Variants in PTPRO observed in about 807,000 individuals in gnomAD.
The protein encoded by PTPRO is protein tyrosine phosphatase receptor type O, also known as receptor-type tyrosine-protein phosphatase O.
Under a neutral mutation model 145.2 loss-of-function variants are expected in PTPRO, and 62 were observed. The ratio of observed to expected loss-of-function variants is 0.43; its 90% CI spans 0.35 to 0.53. The LOEUF is 0.53. Among genes scored for constraint, PTPRO ranks in the 20% least tolerant of loss-of-function variants. The pLI, the probability that PTPRO is intolerant of heterozygous loss-of-function variation, is 0.01. For synonymous variants in PTPRO, 565 were observed against 514.7 expected (o/e 1.10, Z -1.32); for missense variants, 1,345 against 1,482.7 (o/e 0.91, Z 1.53).
chr12:15,484,272 C>G, intron 2 of PTPRO, 25 bp downstream of exon 2: 1 of 1,612,000 alleles, frequency 6.2e-7, no homozygotes, highest in Non-Finnish European at 8.5e-7. Context: ...TAATATTGTC[C>G]CGTTTCTTCT....
chr12:15,539,828 C>CATTT, intron 12 of PTPRO, among the ~76,000 whole-genome samples: 1 of 123,756 alleles, frequency 8.1e-6, no homozygotes, highest in Non-Finnish European at 1.7e-5. Flanking sequence ...AAATGACAGA[C>CATTT]ATTTCTAACT....
chr12:15,594,882 A>G (rs1353954365), intron 25 of PTPRO, 55 bp from the exon 26 acceptor site: 1 of 1,248,960 alleles, frequency 8.0e-7, no homozygotes, highest in African/African-American at 1.5e-5. Context: ...ATAGTATAAA[A>G]TATTATATCT....
intron 1 of PTPRO, among the ~76,000 whole-genome samples, chr12:15,380,075 CA>C (rs1391661568): frequency 1.3e-5 from 2 of 152,068 alleles, no homozygotes; most frequent in Non-Finnish European, 2.9e-5. Flanking sequence ...TATTGAGTAT[CA>C]AACTCCAGCA....
intron 1 of PTPRO, among the ~76,000 whole-genome samples, chr12:15,383,155 C>T (rs1421275347): frequency 6.6e-6 from 1 of 152,194 alleles, no homozygotes; most frequent in East Asian, 1.9e-4. Flanking sequence ...CTGGGAACCA[C>T]TACTCTGCTC....
At chr12:15,438,264 G>A (rs1414739548) in intron 1 of PTPRO, among the ~76,000 whole-genome samples, 1 of 152,132 alleles carries the variant, frequency 6.6e-6, no homozygotes, top group Non-Finnish European at 1.5e-5. Context: ...GTCTCCAGGT[G>A]AGAAGCAACC....
At chr12:15,328,803 T>G (rs995981299) in intron 1 of PTPRO, among the ~76,000 whole-genome samples, 3 of 152,230 alleles carry the variant, frequency 2.0e-5, no homozygotes, top group Non-Finnish European at 2.9e-5. Flanking sequence ...GCTGCACAGT[T>G]CATTTTTCTA....
At chr12:15,581,597 T>C in intron 22 of PTPRO, 82 bp from the exon 23 acceptor site, 7 of 1,503,710 alleles carry the variant, frequency 4.7e-6, no homozygotes, top group Non-Finnish European at 6.5e-6. Flanking sequence ...TAGAGGCGAA[T>C]ACCTTTGTTT....
chr12:15,419,247 G>A lies in PTPRO; in HGVS notation c.76-64727G>A, dbSNP rs757839084. ...ATCCTTTTTAAGATGCTCCAGTAAC[G>A]ATAGGAGCATTTTGGGGGCGGGGGA... On this transcript the variant is annotated intron_variant, in intron 1 of 26. Transcript: ENST00000281171. Among the ~76,000 whole-genome samples, 32 of 140,722 alleles carry A rather than the reference G, an allele frequency of 2.3e-4. 1 individual carries two copies. The highest frequency in any genetic ancestry group is 8.4e-4 in the African/African-American group (31 of 36,756). 92.3% of individuals were successfully genotyped at this position (140,722 alleles called of 152,430 possible).
At chr12:15,367,423 T>C (rs1365402404) in intron 1 of PTPRO, among the ~76,000 whole-genome samples, 2 of 152,172 alleles carry the variant, frequency 1.3e-5, no homozygotes, top group African/African-American at 2.4e-5. Context: ...AATAGAATCT[T>C]GAGAAGAATA....
intron 1 of PTPRO, among the ~76,000 whole-genome samples, chr12:15,432,722 G>T (rs748079697): frequency 6.6e-6 from 1 of 152,220 alleles, no homozygotes. Flanking sequence ...GCATCTCATT[G>T]TGGTTTTGAT....
intron 1 of PTPRO, among the ~76,000 whole-genome samples, chr12:15,470,871 A>G (rs1367199347): frequency 2.0e-5 from 3 of 152,226 alleles, no homozygotes; most frequent in African/African-American, 7.2e-5. Flanking sequence ...CTGGCAGCCT[A>G]CAGGCTGGGG....
chr12:15,505,529 T>A (rs1439744988), intron 6 of PTPRO, among the ~76,000 whole-genome samples: 1 of 152,212 alleles, frequency 6.6e-6, no homozygotes, highest in South Asian at 2.1e-4. Context: ...TTAATATTTA[T>A]CTAGAAAAAT....
chr12:15,543,919 C>T (rs1413661043), intron 12 of PTPRO, among the ~76,000 whole-genome samples: 2 of 152,156 alleles, frequency 1.3e-5, no homozygotes, highest in Non-Finnish European at 2.9e-5. Flanking sequence ...CTGTCTTTCC[C>T]AGGAGGCAAC....
Position 15,516,839 on chromosome 12 carries a change from T to C in PTPRO, c.1662T>C (p.Tyr554=). 1.2e-6 allele frequency: 2 copies of C among 1,612,226 alleles called. No individual in the cohort carries two copies. Among genetic ancestry groups the C allele is most frequent in the Non-Finnish European group, 1.7e-6 (2 of 1,178,252 alleles). Residue 554 remains tyrosine (Y), a synonymous_variant, in exon 9 of 27, where the codon TAT becomes TAC. Transcript: ENST00000281171. ...TAVVLSWTRP[Y]LGVFRKYVVE... is the part of the protein sequence containing the mutation. ...TGGTTCTGAGCTGGACCAGACCTTA[T>C]TTAGGCGTGTTCAGAAAATACGTGG...
At chr12:15,536,233 T>G (rs1029313552) in intron 12 of PTPRO, among the ~76,000 whole-genome samples, 3 of 152,090 alleles carry the variant, frequency 2.0e-5, no homozygotes, top group Non-Finnish European at 4.4e-5. Flanking sequence ...GTGATAAGTG[T>G]CATGGAGAAA....
In PTPRO at chr12:15,562,670, C is replaced by T. The variant is rs187284200; in HGVS notation, c.2711+2394C>T. ...CTGCAAGGATTTCTGACTTTCAGAA[C>T]TTAAGAGTATGTTTCCTATTGAAAG... On this transcript the variant is annotated intron_variant, in intron 17 of 26. Coordinates refer to ENST00000281171, the MANE Select transcript of PTPRO (RefSeq NM_030667.3). Among the ~76,000 whole-genome samples the T allele has an allele frequency of 3.3e-5, 5 of 151,732 alleles. No homozygotes were observed. The East Asian group carries it at 7.8e-4, about 24-fold the overall frequency.
At chr12:15,390,134 G>A (rs1939148024) in intron 1 of PTPRO, among the ~76,000 whole-genome samples, 1 of 152,116 alleles carries the variant, frequency 6.6e-6, no homozygotes, top group African/African-American at 2.4e-5. Flanking sequence ...ATAAGTTTGA[G>A]AACTAATAGC....
intron 1 of PTPRO, among the ~76,000 whole-genome samples, chr12:15,470,664 T>C (rs1941518128): frequency 6.6e-6 from 1 of 152,242 alleles, no homozygotes; most frequent in South Asian, 2.1e-4. Context: ...ACTGTCATTT[T>C]ACACATGCAC....
intron 12 of PTPRO, among the ~76,000 whole-genome samples, chr12:15,542,696 A>T (rs1943204447): frequency 6.6e-6 from 1 of 152,254 alleles, no homozygotes; most frequent in Non-Finnish European, 1.5e-5. Flanking sequence ...TACTTTATGT[A>T]ACCAAATATA....
Sources: allele counts gnomAD v4.1 joint callset (sites outside exome capture counted in the v4.1 genomes callset), GRCh38; gene constraint gnomAD v4.1.1; transcripts MANE v1.5; gene names NCBI Gene and HGNC (gene_info 2026-07-23, HGNC 2026-07-21).